Variants in ATP5PB observed in about 807,000 individuals in gnomAD.
ATP5PB encodes the protein ATP synthase peripheral stalk subunit b, mitochondrial.
In ATP5PB, 21 loss-of-function variants were observed where a neutral mutation model predicts 34.5. The observed-to-expected ratio is 0.61, with a 90% CI of 0.43 to 0.88. The LOEUF (loss-of-function observed/expected upper bound fraction) is 0.88, where lower values mean the gene tolerates loss of function less well. Ranked by LOEUF, ATP5PB falls within the 40% of genes least tolerant of loss-of-function variation. ATP5PB has a pLI of 0.00. For missense variants in ATP5PB, 293 were observed against 317.4 expected (o/e 0.92, Z 0.58); for synonymous variants, 108 against 114.1 (o/e 0.95, Z 0.34).
At position 111,462,001 on chromosome 1, in the gene ATP5PB, G is replaced by A. The variant is rs575952218; in HGVS notation, c.*1007G>A. ...AAGTTGGAACACTTGTGCACTGTTC[G>A]TAGAAATATGAAATGGTACAGCCAT... On this transcript the variant is annotated 3_prime_UTR_variant, in exon 7 of 7. Coordinates refer to ENST00000369722, the MANE Select transcript of ATP5PB (RefSeq NM_001688.5). The A allele has an allele frequency of 7.9e-5, 12 of 152,092 alleles. No homozygotes were observed. Among genetic ancestry groups the A allele is most frequent in the East Asian group, 5.8e-4 (3 of 5,182 alleles). 9.4% of individuals were successfully genotyped at this position (152,092 alleles called of 1,614,324 possible). A position where few individuals can be genotyped will look rare whatever the true frequency, so the allele number is the denominator to read the frequency against.
chr1:111,449,843 C>T lies in ATP5PB; in HGVS notation c.47C>T (p.Ser16Phe), dbSNP rs569768542. 86 of 1,614,196 alleles carry T rather than the reference C, an allele frequency of 5.3e-5. No individual in the cohort carries two copies. The highest frequency in any genetic ancestry group is 3.8e-4 in the Admixed American group (23 of 60,034). Residue 16 changes from serine (S) to phenylalanine (F), a missense_variant, in exon 2 of 7, where the codon TCT (serine) becomes TTT (phenylalanine). Ser to Phe is a radical substitution (Grantham distance 155). Transcript: ENST00000369722. ...VLSAAATAAP[S>F]LKNAAFLGPG... ...TCGCCTTGTCTATCTGCAGCCCCCT[C>T]TCTGAAGAATGCAGCCTTCCTAGGT...
At chr1:111,454,552 G>C (rs962797353) in intron 3 of ATP5PB, among the ~76,000 whole-genome samples, 196 bp downstream of exon 3, 3 of 151,994 alleles carry the variant, frequency 2.0e-5, no homozygotes, top group South Asian at 4.1e-4. Flanking sequence ...CCCAGGCTCA[G>C]GTCATCCTCC....
At chr1:111,460,233 A>G (rs1354224894) in intron 6 of ATP5PB, among the ~76,000 whole-genome samples, 2 of 152,010 alleles carry the variant, frequency 1.3e-5, no homozygotes, top group African/African-American at 2.4e-5. Flanking sequence ...ATGACATTCC[A>G]TTTCTTCTTT....
At chr1:111,457,312 A>AACATACACACACACACAC (rs1653501227) in intron 5 of ATP5PB, among the ~76,000 whole-genome samples, 1 of 146,718 alleles carries the variant, frequency 6.8e-6, no homozygotes, top group Non-Finnish European at 1.5e-5. Flanking sequence ...GACTCTCTCA[A>AACATACACACACACACAC]ACACACACAC....
At chr1:111,456,398 A>C in intron 4 of ATP5PB, 149 bp downstream of exon 4, 1 of 1,110,336 alleles carries the variant, frequency 9.0e-7, no homozygotes, top group South Asian at 2.1e-5. Context: ...CTAATTTGAG[A>C]TAATTTTTTT....
At position 111,462,505 on chromosome 1, in the gene ATP5PB, A is replaced by G. The variant is rs1653651343; in HGVS notation, c.*1511A>G. 3.3e-5 allele frequency: 5 copies of G among 152,214 alleles called. No homozygotes were observed. The allele number at this position is 152,214 out of a possible 1,614,324, so 9.4% of individuals were successfully genotyped here. A position where few individuals can be genotyped will look rare whatever the true frequency, so the allele number is the denominator to read the frequency against. On this transcript the variant is annotated 3_prime_UTR_variant, in exon 7 of 7. Coordinates refer to ENST00000369722, the MANE Select transcript of ATP5PB (RefSeq NM_001688.5). ...AGAAAATTCTTCCCTTCATAGGTTT[A>G]TCTGCATTTGATTCTCCCATACTTG...
chr1:111,458,510 T>C (rs1222999990), intron 5 of ATP5PB, among the ~76,000 whole-genome samples: 3 of 152,158 alleles, frequency 2.0e-5, no homozygotes, highest in African/African-American at 7.2e-5. Context: ...ACCTGGAAGT[T>C]TGCTTGATAC....
chr1:111,459,542 A>T lies in ATP5PB; in HGVS notation c.599A>T (p.His200Leu), dbSNP rs1173951243. Reference protein sequence around the residue: ...YKEVKNRLDYHISVQNMMRRK... With the variant: ...YKEVKNRLDYLISVQNMMRRK... Reference sequence around the variant, plus strand: ...GAAGTAAAGAATCGCCTGGACTATCATATATCTGTGCAGAACATGATGCGT... The same window carrying T: ...GAAGTAAAGAATCGCCTGGACTATCTTATATCTGTGCAGAACATGATGCGT... The change falls in exon 6 of 7, where the codon CAT becomes CTT. Residue 200 changes from histidine (H) to leucine (L), a missense_variant. By Grantham distance (99) the His-to-Leu change is moderately conservative. Coordinates refer to ENST00000369722, the MANE Select transcript of ATP5PB (RefSeq NM_001688.5). 6.2e-7 allele frequency: 1 copy of T among 1,614,008 alleles called. No individual in the cohort carries two copies. Among genetic ancestry groups the T allele is most frequent in the Non-Finnish European group, 8.5e-7 (1 of 1,179,872 alleles).
At chr1:111,456,607 T>C (rs751073616) in intron 4 of ATP5PB, 23 bp from the exon 5 acceptor site, 1 of 1,608,360 alleles carries the variant, frequency 6.2e-7, no homozygotes, top group Non-Finnish European at 8.5e-7. Context: ...CACTGATCTT[T>C]GTTGTTGCTA....
At position 111,461,296 on chromosome 1, in the gene ATP5PB, C is replaced by A; in HGVS notation, c.*302C>A. The A allele has an allele frequency of 4.6e-6, 1 of 219,646 alleles. No individual in the cohort carries two copies. Among genetic ancestry groups the A allele is most frequent in the Non-Finnish European group, 9.2e-6 (1 of 108,338 alleles). 13.6% of individuals were successfully genotyped at this position (219,646 alleles called of 1,614,324 possible). On this transcript the variant is annotated 3_prime_UTR_variant, in exon 7 of 7. Coordinates refer to ENST00000369722, the MANE Select transcript of ATP5PB (RefSeq NM_001688.5). ...TTATAGTTTAAATTTGTAATTAATT[C>A]TACCATCTTGCAATAAAGTGACAAT...
At chr1:111,453,435 G>A (rs1232647263) in intron 2 of ATP5PB, among the ~76,000 whole-genome samples, 1 of 150,700 alleles carries the variant, frequency 6.6e-6, no homozygotes, top group Non-Finnish European at 1.5e-5. Flanking sequence ...AACCAGAGAA[G>A]TCCTTACGGG....
Position 111,449,592 on chromosome 1 carries a change from T to C in ATP5PB, c.40+11T>C. 3 of 1,599,636 alleles carry C rather than the reference T, an allele frequency of 1.9e-6. No homozygotes were observed. The highest frequency in any genetic ancestry group is 2.6e-6 in the Non-Finnish European group (3 of 1,172,192). The stretch of plus-strand genomic sequence containing the variant: ...CCGCCGCCACAGCGGGTAAGGGGTA[T>C]AGACCCTGCTCTGGACTATCAGAGT... On this transcript the variant is annotated intron_variant, in intron 1 of 6. Coordinates refer to ENST00000369722, the MANE Select transcript of ATP5PB (RefSeq NM_001688.5).
intron 2 of ATP5PB, among the ~76,000 whole-genome samples, chr1:111,451,054 T>G (rs1312529487): frequency 6.6e-6 from 1 of 152,186 alleles, no homozygotes; most frequent in Non-Finnish European, 1.5e-5. Flanking sequence ...TCTTAATTAG[T>G]CTTGCATCTC....
In ATP5PB at chr1:111,459,620, G is replaced by C. The variant is rs927022202; in HGVS notation, c.677G>C (p.Ser226Thr). ...TGGGTGGAGAAGCACGTGGTGCAAAGCATCTCCACACAGCAGGTACACAAC... is the reference window on the plus strand; with the variant it reads ...TGGGTGGAGAAGCACGTGGTGCAAACCATCTCCACACAGCAGGTACACAAC... ...INWVEKHVVQ[S>T]ISTQQEKETI... Residue 226 changes from serine (S) to threonine (T), a missense_variant, in exon 6 of 7, where the codon AGC becomes ACC. By Grantham distance (58) the Ser-to-Thr change is moderately conservative. Coordinates refer to ENST00000369722, the MANE Select transcript of ATP5PB (RefSeq NM_001688.5). 6.2e-7 allele frequency: 1 copy of C among 1,613,738 alleles called. No individual in the cohort carries two copies. Among genetic ancestry groups the C allele is most frequent in the African/African-American group, 1.3e-5 (1 of 74,932 alleles).
chr1:111,454,438 T>TTTG lies in ATP5PB; in HGVS notation c.223+112_223+114dup, dbSNP rs571310902. On this transcript the variant is annotated intron_variant, in intron 3 of 6. Transcript: ENST00000369722. The stretch of plus-strand genomic sequence containing the variant: ...GTTAGGTGGGTTTTCTTCTTTGGTT[T>TTTG]TTGTTGTTGTTGTTGTTGTTGTTGT... The TTTG allele has an allele frequency of 3.8e-3, 5,548 of 1,454,298 alleles. 17 individuals are homozygous for TTTG. The highest frequency in any genetic ancestry group is 0.015 in the Admixed American group (649 of 43,118). 90.1% of individuals were successfully genotyped at this position (1,454,298 alleles called of 1,614,324 possible).
At chr1:111,455,607 T>A (rs111290112) in intron 3 of ATP5PB, among the ~76,000 whole-genome samples, 36 of 152,254 alleles carry the variant, frequency 2.4e-4, no homozygotes, top group Non-Finnish European at 2.4e-4. Context: ...TATTTATTCA[T>A]CCTTTTATAT....
In ATP5PB at chr1:111,454,310, C is replaced by T; in HGVS notation, c.177C>T (p.Ile59=). The change falls in exon 3 of 7, where the codon ATC becomes ATT. Residue 59 remains isoleucine, a synonymous_variant. Transcript: ENST00000369722. ...EYGGKVRYGL[I]PEEFFQFLYP... ...GAGGAAAAGTTCGTTATGGACTGATCCCTGAGGAATTCTTCCAGTTTCTTT... is the reference window on the plus strand; with the variant it reads ...GAGGAAAAGTTCGTTATGGACTGATTCCTGAGGAATTCTTCCAGTTTCTTT... 1 of 1,611,736 alleles carries T rather than the reference C, an allele frequency of 6.2e-7. No homozygotes were observed. The highest frequency in any genetic ancestry group is 1.7e-5 in the Admixed American group (1 of 59,424).
chr1:111,456,977 A>T lies in ATP5PB; in HGVS notation c.513+222A>T, dbSNP rs114326263. The stretch of plus-strand genomic sequence containing the variant: ...AAAATTAGAATCTATAGAAGCTATT[A>T]AAAAAAATTTTGGATCCACACAAAA... On this transcript the variant is annotated intron_variant, in intron 5 of 6. Coordinates refer to ENST00000369722, the MANE Select transcript of ATP5PB (RefSeq NM_001688.5). 6.0e-3 allele frequency among the ~76,000 whole-genome samples: 919 copies of T among 152,190 alleles called. 9 individuals are homozygous for T. The highest frequency in any genetic ancestry group is 0.021 in the African/African-American group (878 of 41,500).
At chr1:111,449,913 A>T (rs1315545645) in intron 2 of ATP5PB, 40 bp downstream of exon 2, 1 of 1,612,754 alleles carries the variant, frequency 6.2e-7, no homozygotes, top group Non-Finnish European at 8.5e-7. Context: ...CTTTGTTTTC[A>T]CTACCTTTTA....
Sources: allele counts gnomAD v4.1 joint callset (sites outside exome capture counted in the v4.1 genomes callset), GRCh38; gene constraint gnomAD v4.1.1; transcripts MANE v1.5; gene names NCBI Gene and HGNC (gene_info 2026-07-23, HGNC 2026-07-21).